The following PARP16 variants were observed in gnomAD, a reference collection of about 807,000 sequenced individuals.
PARP16 encodes protein mono-ADP-ribosyltransferase PARP16.
Under a neutral mutation model 35.0 loss-of-function variants are expected in PARP16, and 31 were observed. That is an observed-to-expected ratio of 0.88 (90% CI 0.66 to 1.19). PARP16 has a LOEUF of 1.19. Ranked by LOEUF, PARP16 falls within the 50% of genes most tolerant of loss-of-function variation. The pLI, the probability that PARP16 is intolerant of heterozygous loss-of-function variation, is 0.00. For synonymous variants in PARP16, 162 were observed against 169.5 expected, an observed-to-expected ratio of 0.96 and a Z score of 0.34; for missense variants, 424 against 411.2, an observed-to-expected ratio of 1.03 and a Z score of -0.27.
chr15:65,267,846 C>A (rs1327384821), intron 2 of PARP16, among the ~76,000 whole-genome samples: 1 of 151,342 alleles, frequency 6.6e-6, no homozygotes, highest in Admixed American at 6.6e-5. Flanking sequence ...CGTGCCACCA[C>A]CCCTGGCTAA....
chr15:65,236,169 G>A (rs1248449141), intron 3 of PARP16, among the ~76,000 whole-genome samples: 1 of 152,102 alleles, frequency 6.6e-6, no homozygotes, highest in Non-Finnish European at 1.5e-5. Flanking sequence ...CTGCAGACAT[G>A]TTTTAAACCC....
chr15:65,257,373 G>A (rs2089545646), downstream of PARP16, among the ~76,000 whole-genome samples: 1 of 151,474 alleles, frequency 6.6e-6, no homozygotes, highest in Non-Finnish European at 1.5e-5. Context: ...GCCAGAGGTT[G>A]CAATGAGCTG....
At chr15:65,263,608 C>T (rs2140867221) in intron 3 of PARP16, among the ~76,000 whole-genome samples, 1 of 152,312 alleles carries the variant, frequency 6.6e-6, no homozygotes, top group East Asian at 1.9e-4. Flanking sequence ...TAGGTATAAG[C>T]ATCCAAACCA....
At chr15:65,263,466 A>G in intron 3 of PARP16, 146 bp from the exon 4 acceptor site, 1 of 608,450 alleles carries the variant, frequency 1.6e-6, no homozygotes, top group Admixed American at 3.2e-5. Context: ...AGGATCAAAT[A>G]ATCCTGTGAT....
intron 1 of PARP16, 22 bp from the exon 2 acceptor site, chr15:65,271,094 C>T (rs2090079643): frequency 6.2e-7 from 1 of 1,613,670 alleles, no homozygotes; most frequent in Non-Finnish European, 8.5e-7. Flanking sequence ...GAAGAACTTC[C>T]ATTAGCAAGG....
chr15:65,281,766 G>C (rs2090429149), intron 1 of PARP16, among the ~76,000 whole-genome samples: 1 of 152,028 alleles, frequency 6.6e-6, no homozygotes, highest in African/African-American at 2.4e-5. Flanking sequence ...GGATAATTTG[G>C]GACTTTGAGG....
chr15:65,270,157 A>G (rs2090047082), intron 2 of PARP16, among the ~76,000 whole-genome samples: 1 of 152,216 alleles, frequency 6.6e-6, no homozygotes, highest in Admixed American at 6.5e-5. Context: ...TAAGTGATGA[A>G]CAGTATGGGT....
chr15:65,269,575 A>G (rs536653214), intron 2 of PARP16, among the ~76,000 whole-genome samples: 2 of 152,372 alleles, frequency 1.3e-5, no homozygotes, highest in African/African-American at 2.4e-5. Flanking sequence ...AATGAGCAAA[A>G]TAAGGGCTAT....
At chr15:65,276,742 A>T (rs2090269706) in intron 1 of PARP16, among the ~76,000 whole-genome samples, 2 of 151,980 alleles carry the variant, frequency 1.3e-5, no homozygotes, top group South Asian at 4.2e-4. Context: ...GCACTTTGGG[A>T]GGTTGAGGTG....
At chr15:65,254,891 C>T (rs2089458507), downstream of PARP16, among the ~76,000 whole-genome samples, 1 of 152,196 alleles carries the variant, frequency 6.6e-6, no homozygotes, top group African/African-American at 2.4e-5. Flanking sequence ...CTCTCTCATA[C>T]ACTCGTGCAC....
intron 3 of PARP16, among the ~76,000 whole-genome samples, chr15:65,241,930 TA>T (rs2140737501): frequency 6.6e-6 from 1 of 152,278 alleles, no homozygotes; most frequent in African/African-American, 2.4e-5. Flanking sequence ...TTTCACTGAT[TA>T]TTAGTGTTTT....
chr15:65,286,170 C>G, intron 1 of PARP16, 83 bp downstream of exon 1: 1 of 1,122,582 alleles, frequency 8.9e-7, no homozygotes, highest in Non-Finnish European at 1.2e-6. Context: ...TTTACTAATG[C>G]GGATGGAACT....
At chr15:65,279,024 A>C (rs1277816451) in intron 1 of PARP16, among the ~76,000 whole-genome samples, 1 of 152,198 alleles carries the variant, frequency 6.6e-6, no homozygotes, top group Non-Finnish European at 1.5e-5. Context: ...AGATTTGCCA[A>C]AACAGATTAG....
At chr15:65,239,955 C>CTTTTTTTTTTTTTTTTTGTTTTT (rs2089005630) in intron 3 of PARP16, among the ~76,000 whole-genome samples, 1 of 81,750 alleles carries the variant, frequency 1.2e-5, no homozygotes, top group Non-Finnish European at 2.1e-5. Context: ...CGCGTCTGAC[C>CTTTTTTTTTTTTTTTTTGTTTTT]TTTTTTTTTT....
Position 65,263,314 on chromosome 15 carries a change from A to C in PARP16, c.526T>G (p.Leu176Val). ...GLHCHLNKTS[L>V]FGEGTYLTSD... is the part of the protein sequence containing the mutation. ...GTGAGGTAGGTCCCCTCTCCGAACA[A>C]GGATGTCTGCAACAGCAAGGCCAAT... is the stretch of plus-strand genomic sequence containing the variant. Residue 176 changes from leucine (L) to valine (V), a missense_variant, in exon 4 of 6, where the codon TTG becomes GTG. Coordinates refer to ENST00000649807, the MANE Select transcript of PARP16 (RefSeq NM_001316943.2). 1.9e-6 allele frequency: 3 copies of C among 1,584,312 alleles called. No individual in the cohort carries two copies. Among genetic ancestry groups the C allele is most frequent in the Non-Finnish European group, 2.6e-6 (3 of 1,164,572 alleles).
At chr15:65,255,669 A>G (rs1166514960), downstream of PARP16, among the ~76,000 whole-genome samples, 2 of 134,246 alleles carry the variant, frequency 1.5e-5, no homozygotes, top group Non-Finnish European at 1.6e-5. Flanking sequence ...CATATCAGGT[A>G]TTGCGTTACC....
At chr15:65,259,682 T>C in intron 5 of PARP16, 140 bp from the exon 6 acceptor site, 1 of 827,602 alleles carries the variant, frequency 1.2e-6, no homozygotes, top group Non-Finnish European at 1.9e-6. Flanking sequence ...GCTTCGTGCT[T>C]CCTTGCTCAA....
intron 1 of PARP16, among the ~76,000 whole-genome samples, chr15:65,274,305 A>G (rs1354290507): frequency 6.7e-6 from 1 of 150,186 alleles, no homozygotes; most frequent in Non-Finnish European, 1.5e-5. Context: ...TTATGCCTGT[A>G]ATCCCAGCAC....
chr15:65,241,360 C>G (rs924138874), intron 3 of PARP16, among the ~76,000 whole-genome samples: 1 of 151,636 alleles, frequency 6.6e-6, no homozygotes, highest in South Asian at 2.1e-4. Flanking sequence ...AGGCTGGTCT[C>G]GAACTCCTGA....
Sources: allele counts gnomAD v4.1 joint callset (sites outside exome capture counted in the v4.1 genomes callset), GRCh38; gene constraint gnomAD v4.1.1; transcripts MANE v1.5; gene names NCBI Gene and HGNC (gene_info 2026-07-23, HGNC 2026-07-21).